Variants in SIPA1L1 observed in about 807,000 individuals in gnomAD.
The protein encoded by SIPA1L1 is signal induced proliferation associated 1 like 1.
In SIPA1L1, 26 loss-of-function variants were observed where a neutral mutation model predicts 162.7. That is an observed-to-expected ratio of 0.16 (90% CI 0.12 to 0.22). The LOEUF (loss-of-function observed/expected upper bound fraction) is 0.22. SIPA1L1 is among the 10% of genes least tolerant of loss of function. SIPA1L1 has a pLI of 1.00. For missense variants in SIPA1L1, 1,874 were observed against 2,241.0 expected (o/e 0.84, Z 3.31); for synonymous variants, 829 against 837.4 (o/e 0.99, Z 0.17).
At chr14:71,605,377 C>T (rs1308197472) in intron 5 of SIPA1L1, among the ~76,000 whole-genome samples, 3 of 151,938 alleles carry the variant, frequency 2.0e-5, no homozygotes, top group African/African-American at 4.8e-5. Context: ...TTGTATATTT[C>T]TTTTTGTTTG....
chr14:71,492,103 G>T (rs1229323620), intron 2 of SIPA1L1, among the ~76,000 whole-genome samples: 1 of 152,096 alleles, frequency 6.6e-6, no homozygotes, highest in Non-Finnish European at 1.5e-5. Flanking sequence ...TCTTTGTTTG[G>T]CTGTGTTGGG....
At chr14:71,685,761 G>T in intron 13 of SIPA1L1, 130 bp downstream of exon 13, 2 of 1,172,048 alleles carry the variant, frequency 1.7e-6, no homozygotes, top group South Asian at 1.6e-5. Flanking sequence ...GGTGCATACC[G>T]TAGTGACTTT....
chr14:71,653,954 T>G (rs974103435), intron 8 of SIPA1L1, among the ~76,000 whole-genome samples: 2 of 152,204 alleles, frequency 1.3e-5, no homozygotes, highest in African/African-American at 4.8e-5. Context: ...AAATGTAGAA[T>G]GAAGTATAGC....
chr14:71,406,862 T>C (rs1380448507), intron 2 of SIPA1L1, among the ~76,000 whole-genome samples: 1 of 152,254 alleles, frequency 6.6e-6, no homozygotes. Context: ...TCAGCATTCT[T>C]CATTGAGATA....
At chr14:71,551,741 GT>G (rs918914941) in intron 4 of SIPA1L1, among the ~76,000 whole-genome samples, 2 of 152,000 alleles carry the variant, frequency 1.3e-5, no homozygotes, top group Admixed American at 6.6e-5. Context: ...TCTTTTCTGG[GT>G]CATTTCCCTT....
At chr14:71,724,441 TTTA>T (rs1282930397) in intron 18 of SIPA1L1, among the ~76,000 whole-genome samples, 1 of 152,252 alleles carries the variant, frequency 6.6e-6, no homozygotes, top group African/African-American at 2.4e-5. Context: ...AATAGCTTTA[TTTA>T]AAAGAGTGAC....
chr14:71,541,394 C>G (rs1052693157), intron 4 of SIPA1L1, among the ~76,000 whole-genome samples: 1 of 152,160 alleles, frequency 6.6e-6, no homozygotes, highest in Admixed American at 6.5e-5. Flanking sequence ...TGCATAGTTA[C>G]TTGTTAAAAG....
rs746555760 is a variant in SIPA1L1 at position 71,709,637 on chromosome 14, G to T, written c.4181G>T (p.Ser1394Ile). 1 of 1,613,652 alleles carries T rather than the reference G, an allele frequency of 6.2e-7. No individual in the cohort carries two copies. Residue 1394 changes from serine (S) to isoleucine (I), a missense_variant, in exon 17 of 24, where the codon AGT becomes ATT. Transcript: ENST00000381232. ...TPLTRENSTF[S>I]INDAASHTST... ...CTGACAAGGGAGAACAGCACCTTCAGTATAAACGATGCTGCTTCCCACACA... is the reference window on the plus strand; with the variant it reads ...CTGACAAGGGAGAACAGCACCTTCATTATAAACGATGCTGCTTCCCACACA...
intron 2 of SIPA1L1, among the ~76,000 whole-genome samples, chr14:71,382,436 C>A (rs2039980362): frequency 6.6e-6 from 1 of 152,090 alleles, no homozygotes; most frequent in African/African-American, 2.4e-5. Flanking sequence ...AAATACGTAA[C>A]AGAAAGATAA....
intron 2 of SIPA1L1, among the ~76,000 whole-genome samples, chr14:71,385,164 C>T (rs2040216436): frequency 6.6e-6 from 1 of 152,206 alleles, no homozygotes; most frequent in African/African-American, 2.4e-5. Flanking sequence ...AAAGCTTTCT[C>T]CCTCAGAAGT....
At chr14:71,584,761 A>G (rs1314765299) in intron 4 of SIPA1L1, among the ~76,000 whole-genome samples, 1 of 152,242 alleles carries the variant, frequency 6.6e-6, no homozygotes. Flanking sequence ...GATAGTATCT[A>G]GAGCTGTAAA....
intron 10 of SIPA1L1, among the ~76,000 whole-genome samples, chr14:71,666,178 C>T (rs2043985107): frequency 6.6e-6 from 1 of 152,008 alleles, no homozygotes; most frequent in Non-Finnish European, 1.5e-5. Flanking sequence ...ATTTTTGCTA[C>T]CCCCTAAAAA....
At chr14:71,728,273 A>T (rs970475085) in intron 19 of SIPA1L1, among the ~76,000 whole-genome samples, 1 of 152,224 alleles carries the variant, frequency 6.6e-6, no homozygotes, top group African/African-American at 2.4e-5. Flanking sequence ...TAAGAAAATT[A>T]CAGTTAGCAA....
intron 2 of SIPA1L1, among the ~76,000 whole-genome samples, chr14:71,387,587 C>CA (rs2040439536): frequency 6.6e-6 from 1 of 152,168 alleles, no homozygotes; most frequent in East Asian, 1.9e-4. Context: ...GTCTGAATAA[C>CA]AGAAGGCACA....
At chr14:71,396,448 A>G (rs532312609) in intron 2 of SIPA1L1, among the ~76,000 whole-genome samples, 1 of 152,268 alleles carries the variant, frequency 6.6e-6, no homozygotes, top group Admixed American at 6.5e-5. Context: ...CTCCTGGCCA[A>G]CTATTGTCCC....
At chr14:71,598,161 G>T (rs1034476021) in intron 5 of SIPA1L1, 18 of 972,232 alleles carry the variant, frequency 1.9e-5, no homozygotes, top group Non-Finnish European at 2.2e-5. Context: ...TCTGTGTGTG[G>T]TCATGGTGGT....
rs759754646 is a variant in SIPA1L1, at chr14:71,672,500, G to A, written c.2982G>A (p.Leu994=). Residue 994 remains leucine (L), a synonymous_variant, in exon 12 of 24, where the codon CTG becomes CTA. Transcript: ENST00000381232. ...CAGGGCTGAGGCAGGGCAGTCGCCT[G>A]GTGGAGATCTGCAAGGTGGCGGTAG... ...WQAGLRQGSR[L]VEICKVAVAT... is the part of the protein sequence containing the mutation. 4.3e-6 allele frequency: 7 copies of A among 1,614,210 alleles called. No homozygotes were observed. The South Asian group carries it at 5.5e-5, about 13-fold the overall frequency.
chr14:71,360,405 A>G (rs2037694453), intron 2 of SIPA1L1, among the ~76,000 whole-genome samples: 1 of 152,248 alleles, frequency 6.6e-6, no homozygotes, highest in Non-Finnish European at 1.5e-5. Flanking sequence ...TCCAAAGCTT[A>G]CACGACCTGC....
intron 2 of SIPA1L1, among the ~76,000 whole-genome samples, chr14:71,326,698 A>G (rs1343822719): frequency 6.7e-6 from 1 of 148,408 alleles, no homozygotes; most frequent in East Asian, 2.0e-4. Context: ...ATTTATCTAG[A>G]TAGGAAATGT....
Sources: gnomAD v4.1 joint callset for allele counts (sites outside exome capture counted in the v4.1 genomes callset) on GRCh38, gnomAD v4.1.1 for gene constraint, MANE v1.5 for transcripts, NCBI Gene and HGNC (gene_info 2026-07-23, HGNC 2026-07-21) for gene names.